Variants in MAP2 observed in about 807,000 individuals in gnomAD.
The protein encoded by MAP2 is microtubule-associated protein 2.
In MAP2, 14 loss-of-function variants were observed where a neutral mutation model predicts 137.6. That is an observed-to-expected ratio of 0.10 (90% confidence interval 0.07 to 0.16). The LOEUF is 0.16. MAP2 is among the 10% of genes least tolerant of loss of function. The probability of loss-of-function intolerance (pLI) is 1.00; values close to 1 mark genes in which losing one functional copy is unlikely to be tolerated. For synonymous variants in MAP2, 786 were observed against 782.3 expected, an observed-to-expected ratio of 1.00 and a Z score of -0.08; for missense variants, 2,088 against 2,191.5, an observed-to-expected ratio of 0.95 and a Z score of 0.94.
chr2:209,689,485 C>A (rs1300323725), intron 7 of MAP2, among the ~76,000 whole-genome samples: 3 of 152,066 alleles, frequency 2.0e-5, no homozygotes, highest in Non-Finnish European at 4.4e-5. Flanking sequence ...TCATATATTT[C>A]TCTCTAATTC....
At chr2:209,592,865 T>C (rs1450934273) in intron 3 of MAP2, among the ~76,000 whole-genome samples, 1 of 152,170 alleles carries the variant, frequency 6.6e-6, no homozygotes, top group African/African-American at 2.4e-5. Context: ...TCGCCTCTGT[T>C]CTGTGCTTAG....
chr2:209,650,853 T>A (rs2094742885), intron 4 of MAP2, among the ~76,000 whole-genome samples: 1 of 152,194 alleles, frequency 6.6e-6, no homozygotes, highest in Non-Finnish European at 1.5e-5. Flanking sequence ...CAACAAGGCA[T>A]GTTATTTACG....
chr2:209,562,348 A>G (rs944519348), intron 2 of MAP2, among the ~76,000 whole-genome samples: 13 of 151,622 alleles, frequency 8.6e-5, no homozygotes, highest in African/African-American at 3.2e-4. Flanking sequence ...CTTTCACTGG[A>G]GCATATGAGT....
intron 1 of MAP2, among the ~76,000 whole-genome samples, chr2:209,460,802 A>G (rs764818775): frequency 3.3e-5 from 5 of 152,072 alleles, no homozygotes; most frequent in Non-Finnish European, 4.4e-5. Context: ...AGGCCAGAGT[A>G]CAGTGGCATA....
intron 3 of MAP2, among the ~76,000 whole-genome samples, chr2:209,610,475 G>T (rs2086456662): frequency 6.6e-6 from 1 of 151,730 alleles, no homozygotes; most frequent in Admixed American, 6.6e-5. Context: ...GGGCTTAGCT[G>T]TGTTAAGAAA....
intron 13 of MAP2, among the ~76,000 whole-genome samples, chr2:209,717,491 C>T (rs1466032055): frequency 6.6e-6 from 1 of 152,088 alleles, no homozygotes; most frequent in Non-Finnish European, 1.5e-5. Flanking sequence ...TTTGTAGGCC[C>T]TTTAAATGCT....
intron 4 of MAP2, among the ~76,000 whole-genome samples, chr2:209,632,160 T>G (rs540226711): frequency 6.6e-6 from 1 of 152,140 alleles, no homozygotes; most frequent in Non-Finnish European, 1.5e-5. Flanking sequence ...ATTTACACCT[T>G]CAATATGTGG....
chr2:209,426,248 A>G (rs956442477), intron 1 of MAP2, among the ~76,000 whole-genome samples: 5 of 152,280 alleles, frequency 3.3e-5, no homozygotes, highest in African/African-American at 9.6e-5. Flanking sequence ...TTTTAAAACC[A>G]TAAGTAGAAA....
At chr2:209,653,482 C>A in intron 5 of MAP2, 50 bp downstream of exon 5, 2 of 1,525,782 alleles carry the variant, frequency 1.3e-6, no homozygotes, top group South Asian at 2.6e-5. Flanking sequence ...GCTTTGAAGT[C>A]AGTTTAGTCT....
At chr2:209,588,039 T>A (rs2078215853) in intron 3 of MAP2, among the ~76,000 whole-genome samples, 1 of 152,182 alleles carries the variant, frequency 6.6e-6, no homozygotes, top group Non-Finnish European at 1.5e-5. Flanking sequence ...TTGCACTGTA[T>A]ATGTTGTCTA....
chr2:209,518,657 C>G (rs1291927432), intron 2 of MAP2, among the ~76,000 whole-genome samples: 2 of 151,948 alleles, frequency 1.3e-5, no homozygotes, highest in African/African-American at 4.8e-5. Context: ...TAACTGTAAG[C>G]AGAAACCCAG....
intron 1 of MAP2, among the ~76,000 whole-genome samples, chr2:209,427,157 G>A (rs933555299): frequency 6.6e-6 from 1 of 152,156 alleles, no homozygotes; most frequent in Admixed American, 6.5e-5. Flanking sequence ...TGGTAACTCT[G>A]ATTATTGAAT....
At chr2:209,508,455 T>C (rs2061338655) in intron 2 of MAP2, among the ~76,000 whole-genome samples, 1 of 151,988 alleles carries the variant, frequency 6.6e-6, no homozygotes, top group Non-Finnish European at 1.5e-5. Flanking sequence ...TTAAAGCCCA[T>C]GTTTAACCCT....
chr2:209,618,600 G>A (rs575998182), intron 3 of MAP2, among the ~76,000 whole-genome samples: 37 of 152,142 alleles, frequency 2.4e-4, no homozygotes, highest in Admixed American at 1.5e-3. Flanking sequence ...TTGGTGTTCT[G>A]TTTGAATGGC....
chr2:209,694,611 G>A lies in MAP2; in HGVS notation c.2441G>A (p.Gly814Asp). ...PDLPEMLDLA[G>D]TRSRLASVSA... ...CTTCCTGAAATGCTAGATCTGGCAG[G>A]CACAAGGTCAAGATTGGCTTCTGTG... The change falls in exon 8 of 16, where the codon GGC becomes GAC. Residue 814 changes from glycine to aspartate, a missense_variant. Coordinates refer to ENST00000682079, the MANE Select transcript of MAP2 (RefSeq NM_001375505.1). The A allele has an allele frequency of 6.2e-7, 1 of 1,614,062 alleles. No individual in the cohort carries two copies. The highest frequency in any genetic ancestry group is 8.5e-7 in the Non-Finnish European group (1 of 1,179,950).
intron 5 of MAP2, among the ~76,000 whole-genome samples, chr2:209,665,109 C>A (rs532112436): frequency 2.6e-5 from 4 of 151,668 alleles, no homozygotes; most frequent in Non-Finnish European, 5.9e-5. Flanking sequence ...TAGGTAGGAA[C>A]TCCAAAATAC....
intron 2 of MAP2, among the ~76,000 whole-genome samples, chr2:209,552,601 G>A (rs952370313): frequency 6.6e-6 from 1 of 152,146 alleles, no homozygotes; most frequent in African/African-American, 2.4e-5. Flanking sequence ...AGTGGCTCAT[G>A]CCTGTAATCC....
chr2:209,631,118 C>G (rs535348695), intron 4 of MAP2, among the ~76,000 whole-genome samples: 132 of 147,616 alleles, frequency 8.9e-4, no homozygotes, highest in African/African-American at 2.5e-3. Context: ...CTTAAGGAAG[C>G]ATTTCAGGTG....
Position 209,704,644 on chromosome 2 carries a change from G to A in MAP2, c.4585-936G>A, listed in dbSNP as rs1319969556. On this transcript the variant is annotated intron_variant, in intron 11 of 15. Transcript: ENST00000682079. ...AGGTAAGGCGGCAGGTCAATAAAAG[G>A]TGCAGAAAGAAATAGAATTTGGGAG... 53 of 1,549,300 alleles carry A rather than the reference G, an allele frequency of 3.4e-5. 1 individual carries two copies. The Admixed American group carries it at 1.1e-3, about 32-fold the overall frequency.
Sources: allele counts gnomAD v4.1 joint callset (sites outside exome capture counted in the v4.1 genomes callset), GRCh38; gene constraint gnomAD v4.1.1; transcripts MANE v1.5; gene names NCBI Gene and HGNC (gene_info 2026-07-23, HGNC 2026-07-21).